Variants in CACNA2D4 observed in about 807,000 individuals in gnomAD.
The protein encoded by CACNA2D4 is calcium voltage-gated channel auxiliary subunit alpha2delta 4.
A neutral mutation model predicts 163.8 loss-of-function variants in CACNA2D4; 157 were observed. The observed-to-expected ratio is 0.96, with a 90% confidence interval of 0.84 to 1.09. The LOEUF is 1.09. Among genes scored for constraint, CACNA2D4 ranks in the 50% least tolerant of loss-of-function variants. The probability of loss-of-function intolerance (pLI) is 0.00; values close to 1 mark genes in which losing one functional copy is unlikely to be tolerated. For missense variants in CACNA2D4, 1,410 were observed against 1,479.9 expected (o/e 0.95, Z 0.78); for synonymous variants, 598 against 586.9 (o/e 1.02, Z -0.27).
At chr12:1,824,691 C>T (rs887065516) in intron 26 of CACNA2D4, among the ~76,000 whole-genome samples, 40 of 152,210 alleles carry the variant, frequency 2.6e-4, no homozygotes, top group African/African-American at 8.0e-4. Flanking sequence ...GTGCCTGCTG[C>T]GGCAGCTGCT....
intron 26 of CACNA2D4, chr12:1,831,184 G>C (rs766045075): frequency 1.2e-5 from 20 of 1,613,914 alleles, no homozygotes; most frequent in Non-Finnish European, 1.7e-5. Context: ...TTCCTGGACC[G>C]GCTGCCCCGC....
At chr12:1,809,740 A>G (rs188021626) in intron 29 of CACNA2D4, among the ~76,000 whole-genome samples, 1 of 152,330 alleles carries the variant, frequency 6.6e-6, no homozygotes, top group East Asian at 1.9e-4. Flanking sequence ...GCGAGAAAGC[A>G]TCGCGTCCAT....
chr12:1,906,279 C>T (rs1367921349), intron 6 of CACNA2D4, among the ~76,000 whole-genome samples: 1 of 152,096 alleles, frequency 6.6e-6, no homozygotes, highest in Non-Finnish European at 1.5e-5. Flanking sequence ...TTGGGTATGA[C>T]ACCAAAGGCA....
chr12:1,834,579 T>C lies in CACNA2D4; in HGVS notation c.2551+6160A>G, dbSNP rs1864772129. 1 of 1,600,954 alleles carries C rather than the reference T, an allele frequency of 6.2e-7. No homozygotes were observed. The highest frequency in any genetic ancestry group is 1.1e-5 in the South Asian group (1 of 91,092). On this transcript the variant is annotated intron_variant, in intron 26 of 37. Coordinates refer to ENST00000382722, the MANE Select transcript of CACNA2D4 (RefSeq NM_172364.5). The surrounding 1 kb of genome is among the most constrained non-coding windows in gnomAD (Gnocchi z 7.6). ...GTCGTGTGCGGCGTCGTCTGCATCA[T>C]GATGGTGGTGGCCGCTGCCTATGGC...
intron 10 of CACNA2D4, 49 bp from the exon 11 acceptor site, chr12:1,884,930 C>T: frequency 6.2e-7 from 1 of 1,602,576 alleles, no homozygotes; most frequent in South Asian, 1.1e-5. Context: ...GCCCACCCCC[C>T]TCCACCTGCC....
intron 6 of CACNA2D4, among the ~76,000 whole-genome samples, chr12:1,903,259 C>T (rs1023196483): frequency 2.0e-5 from 3 of 151,980 alleles, no homozygotes; most frequent in Non-Finnish European, 2.9e-5. Flanking sequence ...AACTATGAAA[C>T]TACTAAAAGA....
rs1866045963 is a variant in CACNA2D4, at chr12:1,883,082, G to A, written c.1352-82C>T. The stretch of plus-strand genomic sequence containing the variant: ...GCCAGGGCCTGCACCCTCCCCAGCT[G>A]CAGATGGCTCATAGCCGAATACTCT... On this transcript the variant is annotated intron_variant, in intron 12 of 37. Coordinates refer to ENST00000382722, the MANE Select transcript of CACNA2D4 (RefSeq NM_172364.5). The surrounding 1 kb of genome is among the most constrained non-coding windows in gnomAD (Gnocchi z 4.5). 4 of 1,438,392 alleles carry A rather than the reference G, an allele frequency of 2.8e-6. No homozygotes were observed. The highest frequency in any genetic ancestry group is 3.8e-6 in the Non-Finnish European group (4 of 1,057,290). 89.1% of individuals were successfully genotyped at this position (1,438,392 alleles called of 1,614,324 possible).
intron 35 of CACNA2D4, 168 bp from the exon 36 acceptor site, chr12:1,795,948 C>T (rs1863111018): frequency 3.2e-6 from 2 of 621,998 alleles, no homozygotes; most frequent in Non-Finnish European, 5.8e-6. Flanking sequence ...GCAGATGGCT[C>T]AGTCCTACTG....
chr12:1,865,576 C>A (rs1865631836), intron 18 of CACNA2D4, among the ~76,000 whole-genome samples: 1 of 152,266 alleles, frequency 6.6e-6, no homozygotes, highest in South Asian at 2.1e-4. Context: ...ATCGAGAAGG[C>A]AGCGAAGCTG....
rs185771906 is a variant in CACNA2D4 at position 1,868,537 on chromosome 12, G to C, written c.1878+6067C>G. Among the ~76,000 whole-genome samples the C allele has an allele frequency of 1.2e-3, 181 of 151,704 alleles. 1 individual carries two copies. The highest frequency in any genetic ancestry group is 4.1e-3 in the African/African-American group (171 of 41,336). On this transcript the variant is annotated intron_variant, in intron 18 of 37. Transcript: ENST00000382722. Reference sequence around the variant, plus strand: ...ATTATCTAGGATGACTAAGGCTAGAGCTCTAATGTACAACATGAGGACTAG... The same window carrying C: ...ATTATCTAGGATGACTAAGGCTAGACCTCTAATGTACAACATGAGGACTAG...
intron 20 of CACNA2D4, among the ~76,000 whole-genome samples, chr12:1,857,415 A>G (rs770818580): frequency 1.3e-5 from 2 of 152,162 alleles, no homozygotes; most frequent in African/African-American, 2.4e-5. Context: ...TTCTAGGAAG[A>G]TCCCTCTGGC....
chr12:1,902,180 C>T (rs1866553155), intron 6 of CACNA2D4, among the ~76,000 whole-genome samples: 1 of 146,630 alleles, frequency 6.8e-6, no homozygotes, highest in African/African-American at 2.6e-5. Flanking sequence ...TGGTAAAACC[C>T]CTAAAAAAAC....
intron 26 of CACNA2D4, among the ~76,000 whole-genome samples, chr12:1,840,533 G>T (rs1237184712): frequency 6.6e-6 from 1 of 152,160 alleles, no homozygotes; most frequent in Non-Finnish European, 1.5e-5. Context: ...GCTTCATTTT[G>T]CTCACTTCGT....
chr12:1,830,528 A>T (rs1250392642), intron 26 of CACNA2D4, among the ~76,000 whole-genome samples: 1 of 151,960 alleles, frequency 6.6e-6, no homozygotes, highest in Non-Finnish European at 1.5e-5. Flanking sequence ...TTCTCTGACA[A>T]CCTTATCTCC....
chr12:1,836,332 C>T (rs1420102271), intron 26 of CACNA2D4: 2 of 152,462 alleles, frequency 1.3e-5, no homozygotes, highest in African/African-American at 2.4e-5. Flanking sequence ...GATGGAATCT[C>T]GATGGGGGCT....
chr12:1,860,135 T>C lies in CACNA2D4; in HGVS notation c.1940+10A>G, dbSNP rs1467198397. On this transcript the variant is annotated intron_variant, in intron 19 of 37. Transcript: ENST00000382722. The stretch of plus-strand genomic sequence containing the variant: ...CCTCACCCCGTGCAAATAAAGCCTG[T>C]GTCCCTCACCTGAAAGGGGTGTCGC... 2 of 1,609,622 alleles carry C rather than the reference T, an allele frequency of 1.2e-6. No homozygotes were observed. The highest frequency in any genetic ancestry group is 1.7e-6 in the Non-Finnish European group (2 of 1,176,124).
Position 1,826,386 on chromosome 12 carries a change from G to T in CACNA2D4, c.2551+14353C>A, listed in dbSNP as rs367616327. On this transcript the variant is annotated intron_variant, in intron 26 of 37. Coordinates refer to ENST00000382722, the MANE Select transcript of CACNA2D4 (RefSeq NM_172364.5). ...CAGTTTGTTTAAAGAACGGACCAGA[G>T]ATTTGAACCCAGAGCCCCCCCCCCC... is the stretch of plus-strand genomic sequence containing the variant. Among the ~76,000 whole-genome samples the T allele has an allele frequency of 2.6e-3, 376 of 144,034 alleles. 1 individual carries two copies. The highest frequency in any genetic ancestry group is 9.4e-3 in the African/African-American group (354 of 37,612). 94.5% of individuals were successfully genotyped at this position (144,034 alleles called of 152,430 possible).
chr12:1,907,272 G>T (rs1345316088), intron 6 of CACNA2D4, among the ~76,000 whole-genome samples, 168 bp downstream of exon 6: 1 of 152,204 alleles, frequency 6.6e-6, no homozygotes, highest in African/African-American at 2.4e-5. Flanking sequence ...TTTAATATGT[G>T]CATATCATGC....
intron 22 of CACNA2D4, among the ~76,000 whole-genome samples, chr12:1,854,502 T>C (rs1421438827): frequency 6.6e-6 from 1 of 152,104 alleles, no homozygotes; most frequent in East Asian, 1.9e-4. Flanking sequence ...GCCTCCCAGG[T>C]TTAAGCAATT....
Sources: allele counts gnomAD v4.1 joint callset (sites outside exome capture counted in the v4.1 genomes callset), GRCh38; gene constraint gnomAD v4.1.1; non-coding constraint Gnocchi (gnomAD v3.1); transcripts MANE v1.5; gene names NCBI Gene and HGNC (gene_info 2026-07-23, HGNC 2026-07-21).